Variants in DNAJC5B observed in about 807,000 individuals in gnomAD.
DNAJC5B encodes DnaJ heat shock protein family (Hsp40) member C5 beta, also known as dnaJ homolog subfamily C member 5B.
DNAJC5B carries 23 observed loss-of-function variants against 24.7 expected under a neutral mutation model. The observed-to-expected ratio is 0.93, with a 90% CI of 0.67 to 1.32. The LOEUF is 1.32. Ranked by LOEUF, DNAJC5B falls within the 40% of genes most tolerant of loss-of-function variation. The probability of loss-of-function intolerance (pLI) is 0.00; values close to 1 mark genes in which losing one functional copy is unlikely to be tolerated. For synonymous variants in DNAJC5B, 101 were observed against 90.1 expected (o/e 1.12, Z -0.68); for missense variants, 238 against 240.8 (o/e 0.99, Z 0.08).
chr8:66,087,435 CAT>C (rs1240719627), intron 5 of DNAJC5B, among the ~76,000 whole-genome samples: 1 of 152,154 alleles, frequency 6.6e-6, no homozygotes, highest in East Asian at 1.9e-4. Context: ...TCCCAAACCT[CAT>C]GTCCTTTTCA....
intron 5 of DNAJC5B, among the ~76,000 whole-genome samples, chr8:66,090,251 ATGTGTGTGTGTG>A: frequency 6.9e-6 from 1 of 145,424 alleles, no homozygotes; most frequent in African/African-American, 2.5e-5. Context: ...GCGTGCAGGC[ATGTGTGTGTGTG>A]TGTGTGTGTG....
chr8:66,056,749 A>C (rs896023175), intron 3 of DNAJC5B: 2 of 152,298 alleles, frequency 1.3e-5, no homozygotes, highest in African/African-American at 4.8e-5. Context: ...CATCCTACAA[A>C]GAAGCAAGAA....
chr8:66,059,315 A>G (rs1358391333), intron 3 of DNAJC5B, among the ~76,000 whole-genome samples: 2 of 152,246 alleles, frequency 1.3e-5, no homozygotes, highest in Non-Finnish European at 1.5e-5. Flanking sequence ...TGCTGTCTGA[A>G]GGAGACTTAT....
intron 2 of DNAJC5B, among the ~76,000 whole-genome samples, chr8:66,051,008 T>C (rs1364411590): frequency 6.6e-6 from 1 of 152,196 alleles, no homozygotes; most frequent in African/African-American, 2.4e-5. Context: ...CACATACATA[T>C]ATAATATATT....
intron 1 of DNAJC5B, among the ~76,000 whole-genome samples, chr8:66,036,147 A>G (rs1472058453): frequency 4.6e-5 from 7 of 151,942 alleles, no homozygotes; most frequent in African/African-American, 1.7e-4. Context: ...CATTTTGGGA[A>G]CTCTTTGACG....
chr8:66,046,053 G>A (rs369136375), intron 2 of DNAJC5B, among the ~76,000 whole-genome samples: 3 of 152,172 alleles, frequency 2.0e-5, no homozygotes, highest in East Asian at 1.9e-4. Context: ...GACTAGAAAC[G>A]CTCAGGGCTA....
chr8:66,073,169 C>T (rs1247499999), intron 3 of DNAJC5B, among the ~76,000 whole-genome samples: 1 of 151,818 alleles, frequency 6.6e-6, no homozygotes, highest in Non-Finnish European at 1.5e-5. Flanking sequence ...TGGACATGAG[C>T]TTGGGAAGTT....
At chr8:66,051,465 C>A in intron 2 of DNAJC5B, 66 bp from the exon 3 acceptor site, 2 of 879,298 alleles carry the variant, frequency 2.3e-6, no homozygotes, top group South Asian at 1.6e-5. Flanking sequence ...CAAAAATGAG[C>A]TGTCTTCCCC....
chr8:66,071,957 C>G (rs1426748317), intron 3 of DNAJC5B, among the ~76,000 whole-genome samples: 3 of 148,798 alleles, frequency 2.0e-5, no homozygotes, highest in Non-Finnish European at 4.4e-5. Flanking sequence ...GGACAGAAAA[C>G]CAAAAACCAC....
intron 1 of DNAJC5B, among the ~76,000 whole-genome samples, chr8:66,023,871 G>A (rs900409364): frequency 2.0e-5 from 3 of 152,156 alleles, no homozygotes; most frequent in African/African-American, 2.4e-5. Flanking sequence ...TCTTGCATCC[G>A]TAATTAATCT....
At chr8:66,015,289 C>A in the DNAJC5B span, among the ~76,000 whole-genome samples, 1 of 152,050 alleles carries the variant, frequency 6.6e-6, no homozygotes, top group East Asian at 1.9e-4. Flanking sequence ...GGTAGTGATG[C>A]CATGAAGGGA....
Position 66,076,698 on chromosome 8 carries a change from A to C in DNAJC5B, c.158A>C (p.Asp53Ala), listed in dbSNP as rs1451583137. ...ALKHHPDKNP[D>A]DPAATEKFKE... ...AAACACCATCCAGACAAGAATCCAG[A>C]TGATCCAGCTGCTACTGAGAAGTTT... The change falls in exon 4 of 6, where the codon GAT (aspartate) becomes GCT (alanine). Residue 53 changes from aspartate (D) to alanine (A), a missense_variant. Physicochemically the swap from Asp to Ala is moderately radical, Grantham distance 126. Transcript: ENST00000276570. 1 of 1,614,186 alleles carries C rather than the reference A, an allele frequency of 6.2e-7. No homozygotes were observed. The highest frequency in any genetic ancestry group is 8.5e-7 in the Non-Finnish European group (1 of 1,180,030).
chr8:66,027,621 AC>A lies in DNAJC5B; in HGVS notation c.-142+5917del, dbSNP rs569411609. On this transcript the variant is annotated intron_variant, in intron 1 of 5. Coordinates refer to ENST00000276570, the MANE Select transcript of DNAJC5B (RefSeq NM_033105.6). ...GACGTTTTAGCCAGTTGAGAAGACA[AC>A]TTACTTGGCAACTAGAAGACCAGTA... Among the ~76,000 whole-genome samples the A allele has an allele frequency of 2.0e-5, 3 of 152,352 alleles. No individual in the cohort carries two copies. In the South Asian group the frequency reaches 6.2e-4, roughly 32 times the overall value.
At chr8:66,062,262 G>C (rs753880120) in intron 3 of DNAJC5B, among the ~76,000 whole-genome samples, 1 of 152,170 alleles carries the variant, frequency 6.6e-6, no homozygotes, top group Non-Finnish European at 1.5e-5. Context: ...TAATTAGTTT[G>C]GTCACTTTGC....
intron 3 of DNAJC5B, among the ~76,000 whole-genome samples, chr8:66,064,468 A>G (rs1807147213): frequency 6.6e-6 from 1 of 152,164 alleles, no homozygotes; most frequent in African/African-American, 2.4e-5. Flanking sequence ...AGGAGACAAG[A>G]TATCAGGCGG....
chr8:66,082,441 G>T (rs556291124), intron 5 of DNAJC5B, among the ~76,000 whole-genome samples: 1 of 152,022 alleles, frequency 6.6e-6, no homozygotes, highest in Non-Finnish European at 1.5e-5. Flanking sequence ...GACCTTCTTT[G>T]TGGAAGATTT....
At chr8:66,075,948 A>G (rs1018290976) in intron 3 of DNAJC5B, among the ~76,000 whole-genome samples, 1 of 152,254 alleles carries the variant, frequency 6.6e-6, no homozygotes, top group Non-Finnish European at 1.5e-5. Flanking sequence ...ACATAGACGT[A>G]TGATAGGCAC....
intron 3 of DNAJC5B, among the ~76,000 whole-genome samples, chr8:66,059,551 G>A (rs1040851335): frequency 6.6e-6 from 1 of 152,200 alleles, no homozygotes; most frequent in Admixed American, 6.5e-5. Flanking sequence ...GGAGACTGCT[G>A]AAATAAGAAA....
At chr8:66,037,848 T>C (rs944529819) in intron 1 of DNAJC5B, among the ~76,000 whole-genome samples, 4 of 152,208 alleles carry the variant, frequency 2.6e-5, no homozygotes, top group East Asian at 1.9e-4. Flanking sequence ...AACGTATATC[T>C]ATAAAAGAGA....
Sources: allele counts gnomAD v4.1 joint callset (sites outside exome capture counted in the v4.1 genomes callset), GRCh38; gene constraint gnomAD v4.1.1; transcripts MANE v1.5; gene names NCBI Gene and HGNC (gene_info 2026-07-23, HGNC 2026-07-21).